ATP8A1: variants seen among roughly 807,000 people sequenced by gnomAD.
ATP8A1 encodes phospholipid-transporting ATPase IA.
Under a neutral mutation model 177.7 loss-of-function variants are expected in ATP8A1, and 90 were observed. The ratio of observed to expected loss-of-function variants is 0.51; its 90% CI spans 0.43 to 0.60. The LOEUF (loss-of-function observed/expected upper bound fraction) is 0.60. Among genes scored for constraint, ATP8A1 ranks in the 20% least tolerant of loss-of-function variants. The pLI is 0.00. For synonymous variants in ATP8A1, 493 were observed against 485.9 expected (o/e 1.01, Z -0.19); for missense variants, 1,072 against 1,392.8 (o/e 0.77, Z 3.67).
intron 25 of ATP8A1, chr4:42,472,081 A>G: frequency 1.4e-6 from 1 of 715,874 alleles, no homozygotes; most frequent in South Asian, 1.4e-5. Flanking sequence ...AGTGGGAAGC[A>G]TGCTGTCTTT....
intron 15 of ATP8A1, among the ~76,000 whole-genome samples, chr4:42,562,870 G>T (rs868829767): frequency 2.0e-5 from 3 of 152,182 alleles, no homozygotes; most frequent in Admixed American, 2.0e-4. Context: ...TGCCATGATC[G>T]TGAGGCTTAC....
At chr4:42,459,597 T>C (rs1718867340) in intron 27 of ATP8A1, 1 of 245,914 alleles carries the variant, frequency 4.1e-6, no homozygotes, top group Admixed American at 5.3e-5. Context: ...AATAGAAAAA[T>C]AATTACTTTA....
intron 30 of ATP8A1, among the ~76,000 whole-genome samples, chr4:42,446,845 A>G (rs201045965): frequency 1.3e-5 from 2 of 152,116 alleles, no homozygotes; most frequent in East Asian, 3.9e-4. Context: ...AAAAGACAAC[A>G]TTGAAGAAGG....
intron 1 of ATP8A1, among the ~76,000 whole-genome samples, chr4:42,656,120 G>A (rs1457696526): frequency 1.3e-5 from 2 of 152,130 alleles, no homozygotes; most frequent in African/African-American, 4.8e-5. Context: ...CTTCTACCCC[G>A]GAGCATCTGT....
Position 42,448,938 on chromosome 4 carries a change from C to T in ATP8A1, c.2897-2294G>A, listed in dbSNP as rs150532905. Among the ~76,000 whole-genome samples the T allele has an allele frequency of 1.4e-3, 192 of 141,534 alleles. 1 individual carries two copies. The highest frequency in any genetic ancestry group is 4.7e-3 in the African/African-American group (179 of 38,486). The allele number at this position is 141,534 out of a possible 152,430, so 92.9% of individuals were successfully genotyped here. ...GCAACCTCCACCTCCTAGGTTCAAG[C>T]GATTTTCCTGCCTCAGCCTCCTGAG... On this transcript the variant is annotated intron_variant, in intron 30 of 36. Transcript: ENST00000381668.
intron 22 of ATP8A1, among the ~76,000 whole-genome samples, chr4:42,516,371 A>G (rs138457682): frequency 0.01 from 1,532 of 152,338 alleles, 24 homozygotes; most frequent in African/African-American, 0.035. Flanking sequence ...AAACTTGAAC[A>G]GATAAAAGCA....
intron 28 of ATP8A1, 30 bp downstream of exon 28, chr4:42,455,495 A>C (rs372431946): frequency 4.1e-5 from 66 of 1,613,578 alleles, no homozygotes; most frequent in Non-Finnish European, 5.6e-5. Context: ...TATTCAATGA[A>C]ACAGGAATTA....
intron 1 of ATP8A1, among the ~76,000 whole-genome samples, chr4:42,627,603 C>A (rs1738246107): frequency 6.6e-6 from 1 of 152,150 alleles, no homozygotes; most frequent in East Asian, 1.9e-4. Context: ...CTATCATCAC[C>A]TATTTTTTTC....
At chr4:42,632,699 C>G (rs1359067101) in intron 1 of ATP8A1, among the ~76,000 whole-genome samples, 1 of 152,202 alleles carries the variant, frequency 6.6e-6, no homozygotes, top group East Asian at 1.9e-4. Flanking sequence ...GCTGGTGGGT[C>G]ACTATCCTAA....
chr4:42,490,210 G>A (rs1722605351), intron 24 of ATP8A1, among the ~76,000 whole-genome samples: 1 of 152,162 alleles, frequency 6.6e-6, no homozygotes, highest in South Asian at 2.1e-4. Flanking sequence ...ACAGAGCCCA[G>A]TGCTCACTGG....
At chr4:42,422,743 A>C (rs1313183214) in intron 35 of ATP8A1, 64 bp downstream of exon 35, 1 of 1,306,200 alleles carries the variant, frequency 7.7e-7, no homozygotes, top group Non-Finnish European at 1.1e-6. Context: ...ACTTATTTCC[A>C]ACCACTAGTA....
intron 14 of ATP8A1, among the ~76,000 whole-genome samples, chr4:42,572,102 G>C (rs541649962): frequency 6.6e-6 from 1 of 152,228 alleles, no homozygotes; most frequent in Admixed American, 6.5e-5. Flanking sequence ...AATCAGCTCT[G>C]CACTTGTAAC....
chr4:42,433,035 G>A (rs1292152058), intron 33 of ATP8A1, among the ~76,000 whole-genome samples: 1 of 152,080 alleles, frequency 6.6e-6, no homozygotes, highest in Admixed American at 6.5e-5. Flanking sequence ...ATTCTGTAAT[G>A]AAAAGATGTC....
At chr4:42,652,623 C>CAT (rs751144292) in intron 1 of ATP8A1, among the ~76,000 whole-genome samples, 38 of 152,102 alleles carry the variant, frequency 2.5e-4, no homozygotes, top group Non-Finnish European at 4.9e-4. Flanking sequence ...TTGTTGCTCC[C>CAT]ATAATCCCCA....
At chr4:42,542,484 C>T (rs550496118) in intron 20 of ATP8A1, among the ~76,000 whole-genome samples, 30 of 151,948 alleles carry the variant, frequency 2.0e-4, no homozygotes, top group Non-Finnish European at 2.6e-4. Flanking sequence ...AGGGTACCTG[C>T]GCACAATGTG....
At chr4:42,514,823 C>T (rs1157665784) in intron 22 of ATP8A1, among the ~76,000 whole-genome samples, 1 of 152,120 alleles carries the variant, frequency 6.6e-6, no homozygotes, top group African/African-American at 2.4e-5. Context: ...ACCTAAGAAT[C>T]AACTTTCACA....
At chr4:42,455,486 A>G in intron 28 of ATP8A1, 39 bp downstream of exon 28, 3 of 1,613,644 alleles carry the variant, frequency 1.9e-6, no homozygotes, top group Non-Finnish European at 2.5e-6. Context: ...TCTCCCAAGT[A>G]TTCAATGAAA....
intron 15 of ATP8A1, among the ~76,000 whole-genome samples, chr4:42,556,584 A>G: frequency 6.6e-6 from 1 of 152,158 alleles, no homozygotes; most frequent in East Asian, 1.9e-4. Context: ...TTGTTCTGTA[A>G]ATATAAGAAC....
intron 25 of ATP8A1, among the ~76,000 whole-genome samples, chr4:42,471,161 C>G (rs906074753): frequency 1.3e-5 from 2 of 152,310 alleles, no homozygotes; most frequent in African/African-American, 4.8e-5. Flanking sequence ...CAGCAGCTTA[C>G]ATAGCAAGTC....
Sources: gnomAD v4.1 joint callset for allele counts (sites outside exome capture counted in the v4.1 genomes callset) on GRCh38, gnomAD v4.1.1 for gene constraint, MANE v1.5 for transcripts, NCBI Gene and HGNC (gene_info 2026-07-23, HGNC 2026-07-21) for gene names.